Variants in KANK1 observed in about 807,000 individuals in gnomAD.
The protein encoded by KANK1 is KN motif and ankyrin repeat domain-containing protein 1.
In KANK1, 109 loss-of-function variants were observed where a neutral mutation model predicts 106.2. That is an observed-to-expected ratio of 1.03 (90% CI 0.88 to 1.20). KANK1 has a LOEUF of 1.20. Ranked by LOEUF, KANK1 falls within the 50% of genes most tolerant of loss-of-function variation. The probability of loss-of-function intolerance (pLI) is 0.00; values close to 1 mark genes in which losing one functional copy is unlikely to be tolerated. For missense variants in KANK1, 2,399 were observed against 1,710.7 expected, an observed-to-expected ratio of 1.40 and a Z score of -7.10; for synonymous variants, 873 against 652.2, an observed-to-expected ratio of 1.34 and a Z score of -5.16.
intron 1 of KANK1, among the ~76,000 whole-genome samples, chr9:528,246 A>G (rs2059893457): frequency 1.3e-5 from 2 of 152,012 alleles, no homozygotes; most frequent in African/African-American, 4.8e-5. Context: ...CAAACTGGGA[A>G]CTTAATGTTT....
At chr9:742,722 A>C (rs1188585053) in intron 10 of KANK1, among the ~76,000 whole-genome samples, 1 of 152,230 alleles carries the variant, frequency 6.6e-6, no homozygotes, top group African/African-American at 2.4e-5. Flanking sequence ...TGCACTGCAG[A>C]ATCAAATTCA....
rs59858868 is a variant in KANK1, at chr9:687,719, A to G, written c.37+10710A>G. On this transcript the variant is annotated intron_variant, in intron 2 of 11. Transcript: ENST00000382297. ...CTTGCTGCCTCTCTTACCTCTCCCA[A>G]CAGGCATTCTCAGATACTCCCAATG... Among the ~76,000 whole-genome samples, 2,225 of 152,056 alleles carry G rather than the reference A, an allele frequency of 0.015. 191 individuals carry two copies. In the East Asian group the frequency reaches 0.24, roughly 16 times the overall value.
rs761519583 is a variant in KANK1 at position 712,487 on chromosome 9, G to C, written c.1721G>C (p.Arg574Thr). The change falls in exon 3 of 12, where the codon AGG becomes ACG. Residue 574 changes from arginine to threonine, a missense_variant. By Grantham distance (71) the Arg-to-Thr change is moderately conservative. Coordinates refer to ENST00000382297, the MANE Select transcript of KANK1 (RefSeq NM_015158.5). ...LPMNWWIVKE[R>T]VEMHDRCAGR... ...ATGAATTGGTGGATTGTTAAGGAGA[G>C]GGTGGAAATGCATGACCGATGTGCT... 2.4e-5 allele frequency: 39 copies of C among 1,614,050 alleles called. No individual in the cohort carries two copies. In the South Asian group the frequency reaches 4.0e-4, roughly 16 times the overall value.
At chr9:521,302 G>A (rs1178602005) in intron 1 of KANK1, among the ~76,000 whole-genome samples, 1 of 151,530 alleles carries the variant, frequency 6.6e-6, no homozygotes, top group African/African-American at 2.4e-5. Context: ...TGAGGTGTGG[G>A]GGCCATCTAC....
intron 1 of KANK1, among the ~76,000 whole-genome samples, chr9:630,954 CA>C (rs112232228): frequency 6.6e-6 from 1 of 151,470 alleles, no homozygotes; most frequent in Non-Finnish European, 1.5e-5. Context: ...GACTCTGTCT[CA>C]AAAAACAAAA....
chr9:494,631 T>C lies in KANK1; in HGVS notation c.-362+21358T>C, dbSNP rs73369008. On this transcript the variant is annotated intron_variant, in intron 3 of 15. Coordinates refer to the KANK1 transcript ENST00000382303. ...CCAGCTGCCATGTCATGGGCAGCAC[T>C]ATGGAGCAATACACGTGACAAGCCT... Among the ~76,000 whole-genome samples, 1,455 of 152,316 alleles carry C rather than the reference T, an allele frequency of 9.6e-3. 29 individuals carry two copies. Among genetic ancestry groups the C allele is most frequent in the African/African-American group, 0.033 (1,390 of 41,548 alleles).
chr9:726,884 A>T (rs1202213036), intron 3 of KANK1, among the ~76,000 whole-genome samples: 1 of 152,256 alleles, frequency 6.6e-6, no homozygotes, highest in East Asian at 1.9e-4. Flanking sequence ...CTCTTGAACC[A>T]AGAAGGCAGA....
chr9:735,684 C>A, intron 7 of KANK1: 1 of 374,254 alleles, frequency 2.7e-6, no homozygotes, highest in South Asian at 2.0e-5. Context: ...TATTTTAAAT[C>A]ATTTCTATAT....
chr9:535,709 G>T (rs1002158159), intron 1 of KANK1, among the ~76,000 whole-genome samples: 1 of 152,200 alleles, frequency 6.6e-6, no homozygotes, highest in South Asian at 2.1e-4. Context: ...GGCAGCAAAT[G>T]GGCTGTAGAA....
intron 2 of KANK1, among the ~76,000 whole-genome samples, chr9:692,207 T>C (rs115334655): frequency 6.6e-6 from 1 of 152,194 alleles, no homozygotes. Flanking sequence ...TCCATTTACT[T>C]TCCTTCTGTC....
chr9:519,139 C>G (rs2059435520), intron 1 of KANK1, among the ~76,000 whole-genome samples: 1 of 151,684 alleles, frequency 6.6e-6, no homozygotes, highest in Non-Finnish European at 1.5e-5. Context: ...ATCTGCCTGC[C>G]TCGGCCTCCC....
intron 1 of KANK1, among the ~76,000 whole-genome samples, chr9:581,769 A>G (rs542482412): frequency 1.1e-3 from 161 of 152,054 alleles, no homozygotes; most frequent in Non-Finnish European, 1.9e-3. Flanking sequence ...AAGGCCTGAG[A>G]AGTTATCCGT....
intron 1 of KANK1, among the ~76,000 whole-genome samples, chr9:542,053 C>T: frequency 6.6e-6 from 1 of 151,572 alleles, no homozygotes; most frequent in Non-Finnish European, 1.5e-5. Context: ...CGCGCCACTG[C>T]ACTCCAGCCT....
chr9:742,006 C>A (rs915507526), intron 9 of KANK1, among the ~76,000 whole-genome samples, 199 bp from the exon 10 acceptor site: 2 of 152,204 alleles, frequency 1.3e-5, no homozygotes, highest in Admixed American at 6.5e-5. Flanking sequence ...TGGCTCCTTA[C>A]TTTATGCCCT....
At position 713,027 on chromosome 9, in the gene KANK1, T is replaced by G. The variant is rs148027754; in HGVS notation, c.2261T>G (p.Val754Gly). ...GHSGFDRPSA[V>G]KTKESGVGQI... is the part of the protein sequence containing the mutation. ...TCTGGGTTTGACAGGCCATCAGCTG[T>G]GAAGACCAAAGAGTCAGGTGTGGGG... The change falls in exon 3 of 12, where the codon GTG becomes GGG. Residue 754 changes from valine to glycine, a missense_variant. Transcript: ENST00000382297. 3.3e-4 allele frequency: 532 copies of G among 1,614,052 alleles called. No individual in the cohort carries two copies. Among genetic ancestry groups the G allele is most frequent in the Admixed American group, 4.7e-4 (28 of 59,998 alleles).
chr9:521,669 C>T (rs1224455491), intron 1 of KANK1, among the ~76,000 whole-genome samples: 3 of 148,772 alleles, frequency 2.0e-5, no homozygotes, highest in Admixed American at 6.8e-5. Flanking sequence ...TGGGTTCAAG[C>T]GATTCTCCTG....
intron 1 of KANK1, among the ~76,000 whole-genome samples, chr9:575,654 G>C (rs1375735834): frequency 6.6e-6 from 1 of 151,930 alleles, no homozygotes; most frequent in Non-Finnish European, 1.5e-5. Flanking sequence ...CTGGGCAACA[G>C]AGCAAGACCC....
chr9:571,503 A>T (rs1006280467), intron 1 of KANK1, among the ~76,000 whole-genome samples: 1 of 152,176 alleles, frequency 6.6e-6, no homozygotes, highest in African/African-American at 2.4e-5. Context: ...ATGTTATTTA[A>T]CAAGGTAGAT....
At chr9:478,642 A>G (rs958031996) in intron 3 of KANK1, among the ~76,000 whole-genome samples, 8 of 152,232 alleles carry the variant, frequency 5.3e-5, no homozygotes, top group African/African-American at 1.9e-4. Context: ...CCACCCCAAT[A>G]TACCAAGAAA....
Sources: gnomAD v4.1 joint callset for allele counts (sites outside exome capture counted in the v4.1 genomes callset) on GRCh38, gnomAD v4.1.1 for gene constraint, MANE v1.5 for transcripts, NCBI Gene and HGNC (gene_info 2026-07-23, HGNC 2026-07-21) for gene names.